Variants in ABI2 observed in about 807,000 individuals in gnomAD.
The protein encoded by ABI2 is abelson interactor 2.
A neutral mutation model predicts 59.2 loss-of-function variants in ABI2; 25 were observed. The ratio of observed to expected loss-of-function variants is 0.42; its 90% confidence interval spans 0.31 to 0.59. The LOEUF is 0.59. ABI2 is among the 20% of genes least tolerant of loss of function. The pLI, the probability that ABI2 is intolerant of heterozygous loss-of-function variation, is 0.14. For missense variants in ABI2, 545 were observed against 681.8 expected (o/e 0.80, Z 2.23); for synonymous variants, 213 against 235.5 (o/e 0.90, Z 0.87).
At chr2:203,426,956 G>T (rs1559404825) in intron 11 of ABI2, among the ~76,000 whole-genome samples, 1 of 151,530 alleles carries the variant, frequency 6.6e-6, no homozygotes, top group Non-Finnish European at 1.5e-5. Flanking sequence ...TTCCCCATTT[G>T]TACTCAATTT....
intron 11 of ABI2, among the ~76,000 whole-genome samples, chr2:203,417,537 G>A (rs995885102): frequency 1.3e-5 from 2 of 152,156 alleles, no homozygotes; most frequent in African/African-American, 4.8e-5. Context: ...TTAGTGAAAA[G>A]CTTCTTTGAT....
At chr2:203,426,671 C>T (rs542554946) in intron 11 of ABI2, among the ~76,000 whole-genome samples, 1 of 151,828 alleles carries the variant, frequency 6.6e-6, no homozygotes, top group Admixed American at 6.6e-5. Flanking sequence ...GGCATAGGCT[C>T]CAGAGAGAGT....
In ABI2 at chr2:203,427,623, G is replaced by C. The variant is rs2098451366; in HGVS notation, c.*271G>C. 3.4e-6 allele frequency: 1 copy of C among 290,280 alleles called. No individual in the cohort carries two copies. The highest frequency in any genetic ancestry group is 2.1e-5 in the African/African-American group (1 of 47,078). The allele number at this position is 290,280 out of a possible 1,614,324, so 18.0% of individuals were successfully genotyped here. On this transcript the variant is annotated 3_prime_UTR_variant, in exon 12 of 12. Coordinates refer to ENST00000261018, the MANE Select transcript of ABI2 (RefSeq NM_001375670.1). Reference sequence around the variant, plus strand: ...ATGTCAAAGGTATAACAGCATAACTGTGTAGCCAAAACAAAATCAGATTAA... The same window carrying C: ...ATGTCAAAGGTATAACAGCATAACTCTGTAGCCAAAACAAAATCAGATTAA...
At chr2:203,370,667 A>G (rs1020055403) in intron 2 of ABI2, among the ~76,000 whole-genome samples, 4 of 152,182 alleles carry the variant, frequency 2.6e-5, no homozygotes, top group Admixed American at 2.0e-4. Flanking sequence ...GTGTGTTTCT[A>G]GAGGGAACCA....
intron 1 of ABI2, among the ~76,000 whole-genome samples, chr2:203,338,016 C>T (rs1396636297): frequency 1.3e-5 from 2 of 152,224 alleles, no homozygotes; most frequent in South Asian, 2.1e-4. Context: ...GGCAACAGAG[C>T]GAGACTCTGT....
chr2:203,408,354 G>T (rs945496535), intron 9 of ABI2, among the ~76,000 whole-genome samples: 5 of 151,566 alleles, frequency 3.3e-5, no homozygotes, highest in African/African-American at 1.2e-4. Flanking sequence ...GTAGAGATGG[G>T]GTTTCACCAT....
At chr2:203,390,923 C>A in intron 4 of ABI2, 123 bp from the exon 5 acceptor site, 1 of 709,558 alleles carries the variant, frequency 1.4e-6, no homozygotes, top group Non-Finnish European at 2.5e-6. Context: ...AATGCATGGC[C>A]TCTAATTTTT....
chr2:203,370,499 T>C (rs1387424024), intron 2 of ABI2, among the ~76,000 whole-genome samples: 1 of 152,240 alleles, frequency 6.6e-6, no homozygotes, highest in Non-Finnish European at 1.5e-5. Flanking sequence ...GATTTAAAAA[T>C]GTTAAAACTA....
At chr2:203,332,056 C>T (rs1248877241) in intron 1 of ABI2, among the ~76,000 whole-genome samples, 1 of 150,332 alleles carries the variant, frequency 6.7e-6, no homozygotes, top group Non-Finnish European at 1.5e-5. Flanking sequence ...ATGACCCACC[C>T]ACCTCGGCCT....
At chr2:203,394,014 T>C (rs1264960618) in intron 5 of ABI2, among the ~76,000 whole-genome samples, 1 of 152,188 alleles carries the variant, frequency 6.6e-6, no homozygotes, top group African/African-American at 2.4e-5. Flanking sequence ...CAGTTCAAAG[T>C]AAATAATATA....
At chr2:203,407,990 C>T (rs1384075834) in intron 9 of ABI2, among the ~76,000 whole-genome samples, 5 of 152,136 alleles carry the variant, frequency 3.3e-5, no homozygotes, top group African/African-American at 7.2e-5. Context: ...TAATTTCGAC[C>T]ACCTTATTAA....
At chr2:203,356,567 A>G (rs2092085670) in intron 1 of ABI2, among the ~76,000 whole-genome samples, 2 of 151,868 alleles carry the variant, frequency 1.3e-5, no homozygotes, top group Non-Finnish European at 2.9e-5. Flanking sequence ...CGGGAATCTC[A>G]CCATGTTACC....
intron 11 of ABI2, among the ~76,000 whole-genome samples, chr2:203,420,748 A>G (rs1414856249): frequency 6.6e-6 from 1 of 152,174 alleles, no homozygotes; most frequent in Non-Finnish European, 1.5e-5. Context: ...TGGATGCTCT[A>G]TTAATGATTG....
intron 4 of ABI2, among the ~76,000 whole-genome samples, chr2:203,383,038 A>T (rs950304181): frequency 6.6e-6 from 1 of 152,212 alleles, no homozygotes; most frequent in South Asian, 2.1e-4. Flanking sequence ...GGTTACTACA[A>T]TTATATACAA....
intron 2 of ABI2, among the ~76,000 whole-genome samples, chr2:203,367,618 A>C (rs2094580408): frequency 6.6e-6 from 1 of 152,184 alleles, no homozygotes; most frequent in South Asian, 2.1e-4. Context: ...GAAGAGAAAA[A>C]GTAGAAAAAT....
rs767207393 is a variant in ABI2 at position 203,376,126 on chromosome 2, G to T, written c.286-4082G>T. The T allele has an allele frequency of 1.4e-5, 22 of 1,533,530 alleles. No individual in the cohort carries two copies. The South Asian group carries it at 2.6e-4, about 18-fold the overall frequency. 95.0% of individuals were successfully genotyped at this position (1,533,530 alleles called of 1,614,324 possible). On this transcript the variant is annotated intron_variant, in intron 2 of 11. Coordinates refer to ENST00000261018, the MANE Select transcript of ABI2 (RefSeq NM_001375670.1). ...TTGGAAACAATTGCAGTTTGAGATT[G>T]AATGAGGTAAGGGACCAGCTAATTA...
At chr2:203,416,437 G>A (rs976870700) in intron 10 of ABI2, among the ~76,000 whole-genome samples, 1 of 152,016 alleles carries the variant, frequency 6.6e-6, no homozygotes, top group South Asian at 2.1e-4. Context: ...CTGGGATTAC[G>A]GGCGCCCACG....
At chr2:203,341,287 G>A (rs2079763262) in intron 1 of ABI2, among the ~76,000 whole-genome samples, 1 of 152,146 alleles carries the variant, frequency 6.6e-6, no homozygotes, top group South Asian at 2.1e-4. Context: ...TGAGGGCAGA[G>A]ATTTTTGTCT....
In ABI2 at chr2:203,409,086, C is replaced by T. The variant is rs572339711; in HGVS notation, c.1193-2199C>T. Among the ~76,000 whole-genome samples, 6 of 151,856 alleles carry T rather than the reference C, an allele frequency of 4.0e-5. No individual in the cohort carries two copies. In the East Asian group the frequency reaches 9.7e-4, roughly 24 times the overall value. ...ATCTCCTGACCTCATGATCCACCCG[C>T]CTCGGCCTCCCAAAGTGCTGGGATT... On this transcript the variant is annotated intron_variant, in intron 9 of 11. Transcript: ENST00000261018.
Sources: gnomAD v4.1 joint callset for allele counts (sites outside exome capture counted in the v4.1 genomes callset) on GRCh38, gnomAD v4.1.1 for gene constraint, MANE v1.5 for transcripts, NCBI Gene and HGNC (gene_info 2026-07-23, HGNC 2026-07-21) for gene names.